Variants in ABCC6 observed in about 807,000 individuals in gnomAD.
The protein encoded by ABCC6 is ATP-binding cassette sub-family C member 6.
In ABCC6, 126 loss-of-function variants were observed where a neutral mutation model predicts 169.5. The ratio of observed to expected loss-of-function variants is 0.74; its 90% CI spans 0.64 to 0.86. The LOEUF (loss-of-function observed/expected upper bound fraction) is 0.86, where lower values mean the gene tolerates loss of function less well. ABCC6 is among the 40% of genes least tolerant of loss of function. The probability of loss-of-function intolerance (pLI) is 0.00; values close to 1 mark genes in which losing one functional copy is unlikely to be tolerated. For synonymous variants in ABCC6, 752 were observed against 814.7 expected (o/e 0.92, Z 1.31); for missense variants, 1,733 against 1,927.2 (o/e 0.90, Z 1.89).
chr16:16,195,074 AC>A lies in ABCC6; in HGVS notation c.1339-2153del, dbSNP rs1225438796. Among the ~76,000 whole-genome samples the A allele has an allele frequency of 2.0e-5, 3 of 152,090 alleles. No homozygotes were observed. In the East Asian group the frequency reaches 5.8e-4, roughly 29 times the overall value. ...CAATGGAGAAGGGCGCAGAGGGTAAACACCAGCCCACAGCAGGGCTTGGAAA... is the reference window on the plus strand; with the variant it reads ...CAATGGAGAAGGGCGCAGAGGGTAAAACCAGCCCACAGCAGGGCTTGGAAA... On this transcript the variant is annotated intron_variant, in intron 10 of 30. Transcript: ENST00000205557.
At position 16,165,915 on chromosome 16, in the gene ABCC6, G is replaced by C. The variant is rs1254764915; in HGVS notation, c.3014C>G (p.Ser1005Cys). Residue 1005 changes from serine (S) to cysteine (C), a missense_variant, in exon 23 of 31, where the codon TCC (serine) becomes TGC (cysteine). Physicochemically the swap from Ser to Cys is moderately radical, Grantham distance 112. Transcript: ENST00000205557. Reference protein sequence around the residue: ...GCLQAIGLFASMAAVLLGGAR... With the variant: ...GCLQAIGLFACMAAVLLGGAR... Reference sequence around the variant, plus strand: ...CCCACCTAGGAGCACCGCAGCCATGGAGGCAAACAGCCCAATGGCTGGGGA... The same window carrying C: ...CCCACCTAGGAGCACCGCAGCCATGCAGGCAAACAGCCCAATGGCTGGGGA... 1.2e-6 allele frequency: 2 copies of C among 1,613,044 alleles called. No individual in the cohort carries two copies. Among genetic ancestry groups the C allele is most frequent in the Admixed American group, 3.3e-5 (2 of 60,016 alleles).
rs750897812 is a variant in ABCC6, at chr16:16,157,776, G to T, written c.3769C>A (p.Pro1257Thr). 14 of 1,613,206 alleles carry T rather than the reference G, an allele frequency of 8.7e-6. No homozygotes were observed. Among genetic ancestry groups the T allele is most frequent in the African/African-American group, 1.3e-5 (1 of 74,908 alleles). Residue 1257 changes from proline (P) to threonine (T), a missense_variant, in exon 27 of 31, where the codon CCC becomes ACC. Transcript: ENST00000205557. ...ATCTGCCCGCCCTGAGGCCAGGGGG[G>T]CTGAGCTGCACATGTGGGCAGCCTC... ...PWRLPTCAAQ[P>T]PWPQGGQIEF...
At chr16:16,158,044 T>C (rs756665345) in intron 26 of ABCC6, among the ~76,000 whole-genome samples, 4 of 152,218 alleles carry the variant, frequency 2.6e-5, no homozygotes, top group African/African-American at 9.6e-5. Flanking sequence ...CTGTTTATTA[T>C]AAAATAATCT....
chr16:16,201,866 G>A, intron 9 of ABCC6, 135 bp downstream of exon 9: 1 of 991,616 alleles, frequency 1.0e-6, no homozygotes, highest in South Asian at 1.4e-5. Context: ...AATAACTAAG[G>A]AAGTGAGAAT....
chr16:16,222,736 T>G (rs1432173557), intron 1 of ABCC6, among the ~76,000 whole-genome samples: 1 of 151,466 alleles, frequency 6.6e-6, no homozygotes, highest in African/African-American at 2.4e-5. Flanking sequence ...AGAAGAAATT[T>G]GAAGTTTAGT....
Position 16,154,704 on chromosome 16 carries a change from C to G in ABCC6, c.4132G>C (p.Val1378Leu). The G allele has an allele frequency of 6.2e-7, 1 of 1,613,648 alleles. No individual in the cohort carries two copies. The highest frequency in any genetic ancestry group is 8.5e-7 in the Non-Finnish European group (1 of 1,179,972). The change falls in exon 29 of 31, where the codon GTG (valine) becomes CTG (leucine). Residue 1378 changes from valine to leucine, a missense_variant. Val to Leu is a conservative substitution (Grantham distance 32, BLOSUM62 1). This residue lies in a region of ABCC6 where 1,601 missense variants were observed against 1,635.5 expected (regional missense o/e 0.98). Transcript: ENST00000205557. ...CTGGCCACCAAGGCTTTGAGCTGCACCGTCTCCAGGGCTGCCCAGATAGCC... is the reference window on the plus strand; with the variant it reads ...CTGGCCACCAAGGCTTTGAGCTGCAGCGTCTCCAGGGCTGCCCAGATAGCC... Reference protein sequence around the residue: ...DEAIWAALETVQLKALVASLP... With the variant: ...DEAIWAALETLQLKALVASLP...
chr16:16,154,731 C>G lies in ABCC6; in HGVS notation c.4105G>C (p.Glu1369Gln). 2 of 1,613,288 alleles carry G rather than the reference C, an allele frequency of 1.2e-6. No individual in the cohort carries two copies. Among genetic ancestry groups the G allele is most frequent in the Non-Finnish European group, 1.7e-6 (2 of 1,179,784 alleles). Reference sequence around the variant, plus strand: ...GTCTCCAGGGCTGCCCAGATAGCCTCGTCCGAGTGCTCCTGCAGCAGGTCG... The same window carrying G: ...GTCTCCAGGGCTGCCCAGATAGCCTGGTCCGAGTGCTCCTGCAGCAGGTCG... Reference protein sequence around the residue: ...NLDLLQEHSDEAIWAALETVQ... With the variant: ...NLDLLQEHSDQAIWAALETVQ... Residue 1369 changes from glutamate to glutamine, a missense_variant, in exon 29 of 31, where the codon GAG becomes CAG. Physicochemically the swap from Glu to Gln is conservative, Grantham distance 29. This residue lies in a region of ABCC6 where 1,601 missense variants were observed against 1,635.5 expected (regional missense o/e 0.98). Coordinates refer to ENST00000205557, the MANE Select transcript of ABCC6 (RefSeq NM_001171.6).
chr16:16,179,080 A>C lies in ABCC6; in HGVS notation c.2248-115T>G, dbSNP rs985677704. The C allele has an allele frequency of 3.4e-6, 4 of 1,182,400 alleles. No individual in the cohort carries two copies. In the Admixed American group the frequency reaches 5.9e-5, roughly 18 times the overall value. 73.2% of individuals were successfully genotyped at this position (1,182,400 alleles called of 1,614,324 possible). A position where few individuals can be genotyped will look rare whatever the true frequency, so the allele number is the denominator to read the frequency against. On this transcript the variant is annotated intron_variant, in intron 17 of 30. Transcript: ENST00000205557. Reference sequence around the variant, plus strand: ...CCATCAGGGTGAGGTACAGCTCAACATGCCTATTCCCTGGGGACAGGCCCA... The same window carrying C: ...CCATCAGGGTGAGGTACAGCTCAACCTGCCTATTCCCTGGGGACAGGCCCA...
chr16:16,157,937 G>C, intron 26 of ABCC6, 128 bp from the exon 27 acceptor site: 1 of 1,051,898 alleles, frequency 9.5e-7, no homozygotes, highest in Non-Finnish European at 1.3e-6. Context: ...TTACAGGGTT[G>C]TTATGGGAAT....
intron 27 of ABCC6, 147 bp downstream of exon 27, chr16:16,157,516 T>G: frequency 9.6e-7 from 1 of 1,046,440 alleles, no homozygotes; most frequent in Non-Finnish European, 1.4e-6. Flanking sequence ...AGGTGAGGAG[T>G]TCATTTTAGG....
In ABCC6 at chr16:16,165,384, G is replaced by C. The variant is rs371242665; in HGVS notation, c.3306+239C>G. Reference sequence around the variant, plus strand: ...AGCTATGATCACCTATTGCACTTCAGCCTTGGCAGGAGAGCAAGATTCTGT... The same window carrying C: ...AGCTATGATCACCTATTGCACTTCACCCTTGGCAGGAGAGCAAGATTCTGT... On this transcript the variant is annotated intron_variant, in intron 23 of 30. Transcript: ENST00000205557. Among the ~76,000 whole-genome samples the C allele has an allele frequency of 6.1e-4, 93 of 152,288 alleles. 4 individuals carry two copies. In the South Asian group the frequency reaches 0.019, roughly 32 times the overall value.
At chr16:16,209,884 C>T (rs915588849) in intron 6 of ABCC6, among the ~76,000 whole-genome samples, 2 of 152,186 alleles carry the variant, frequency 1.3e-5, no homozygotes, top group African/African-American at 2.4e-5. Flanking sequence ...GCGTAAGCCA[C>T]CACACCTGGC....
chr16:16,184,524 C>A (rs2047584692), intron 15 of ABCC6, among the ~76,000 whole-genome samples: 1 of 152,168 alleles, frequency 6.6e-6, no homozygotes, highest in Admixed American at 6.5e-5. Flanking sequence ...AGTTTCAGGG[C>A]TGTCTGAGAT....
chr16:16,202,657 G>A (rs931584153), intron 8 of ABCC6, among the ~76,000 whole-genome samples: 64 of 152,140 alleles, frequency 4.2e-4, no homozygotes, highest in Non-Finnish European at 7.4e-4. Flanking sequence ...GACACAGGGA[G>A]GAGGTGGCCA....
At chr16:16,208,902 C>T (rs767523455) in intron 6 of ABCC6, 43 bp from the exon 7 acceptor site, 2 of 1,613,276 alleles carry the variant, frequency 1.2e-6, no homozygotes, top group African/African-American at 2.7e-5. Context: ...CTGCCATTCA[C>T]CCCTGCAGGA....
At chr16:16,166,627 C>T (rs938951021) in intron 22 of ABCC6, among the ~76,000 whole-genome samples, 1 of 151,942 alleles carries the variant, frequency 6.6e-6, no homozygotes, top group East Asian at 1.9e-4. Flanking sequence ...TGCCTGTAAT[C>T]ACAGCACTTT....
chr16:16,179,115 G>A (rs2047388585), intron 17 of ABCC6, 150 bp from the exon 18 acceptor site: 1 of 894,326 alleles, frequency 1.1e-6, no homozygotes, highest in Admixed American at 2.1e-5. Context: ...AGCTTCCAAG[G>A]CACTCGCTCT....
chr16:16,150,842 G>GAAAC, intron 29 of ABCC6, 70 bp from the exon 30 acceptor site: 1 of 1,575,124 alleles, frequency 6.3e-7, no homozygotes, highest in South Asian at 1.2e-5. Flanking sequence ...GGTGTGCCCA[G>GAAAC]AAACAGGTCC....
Position 16,163,007 on chromosome 16 carries a change from T to C in ABCC6, c.3492A>G (p.Arg1164=). The change falls in exon 24 of 31, where the codon CGA becomes CGG. Residue 1164 remains arginine (R), a synonymous_variant. Transcript: ENST00000205557. ...GCTCTTCCTACCTGTCAGCCACCAG[T>C]CGCGGGAAACTGATCCTCTGGCTTT... is the stretch of plus-strand genomic sequence containing the variant. The part of the protein sequence containing the change: ...VDESQRISFP[R]LVADRWLAAN... 1 of 1,614,092 alleles carries C rather than the reference T, an allele frequency of 6.2e-7. No individual in the cohort carries two copies. Among genetic ancestry groups the C allele is most frequent in the Non-Finnish European group, 8.5e-7 (1 of 1,180,030 alleles).
Sources: allele counts gnomAD v4.1 joint callset (sites outside exome capture counted in the v4.1 genomes callset), GRCh38; gene constraint gnomAD v4.1.1; regional missense constraint gnomAD v4.1.1; transcripts MANE v1.5; gene names NCBI Gene and HGNC (gene_info 2026-07-23, HGNC 2026-07-21).